Variants in MLLT3 observed in about 807,000 individuals in gnomAD.
MLLT3 encodes the protein MLLT3 super elongation complex subunit.
Under a neutral mutation model 53.2 loss-of-function variants are expected in MLLT3, and 4 were observed. That is an observed-to-expected ratio of 0.08 (90% CI 0.04 to 0.17). The LOEUF (loss-of-function observed/expected upper bound fraction) is 0.17, where lower values mean the gene tolerates loss of function less well. MLLT3 is among the 10% of genes least tolerant of loss of function. MLLT3 has a pLI of 1.00. For missense variants in MLLT3, 569 were observed against 684.0 expected, an observed-to-expected ratio of 0.83 and a Z score of 1.87; for synonymous variants, 283 against 230.6, an observed-to-expected ratio of 1.23 and a Z score of -2.06.
At chr9:20,601,178 G>A (rs668703) in intron 2 of MLLT3, among the ~76,000 whole-genome samples, 62,609 of 152,030 alleles carry the variant, frequency 0.41, 13,511 homozygotes, top group Non-Finnish European at 0.49. Flanking sequence ...CACTTAAGTA[G>A]AGACATACCA....
rs374429731 is a variant in MLLT3 at position 20,423,144 on chromosome 9, C to T, written c.421-8719G>A. ...CTTCTAGGCTCAAGTGATCCTCCTT[C>T]CTCACCCCTTGCAAGTAGCTGTGGG... On this transcript the variant is annotated intron_variant, in intron 4 of 10. Coordinates refer to ENST00000380338, the MANE Select transcript of MLLT3 (RefSeq NM_004529.4). Among the ~76,000 whole-genome samples the T allele has an allele frequency of 8.3e-4, 127 of 152,228 alleles. 1 individual carries two copies. Among genetic ancestry groups the T allele is most frequent in the African/African-American group, 2.9e-3 (119 of 41,530 alleles).
chr9:20,577,667 G>T, intron 2 of MLLT3, among the ~76,000 whole-genome samples: 1 of 152,284 alleles, frequency 6.6e-6, no homozygotes. Context: ...ACTTCTGCCA[G>T]ACACAGCCAT....
At position 20,470,606 on chromosome 9, in the gene MLLT3, C is replaced by A. The variant is rs549445044; in HGVS notation, c.194-13820G>T. ...TAAGCTTTACCTACCTTATCAATTC[C>A]TTTTCCTTGTTTTTCTGTTTTCATC... is the stretch of plus-strand genomic sequence containing the variant. On this transcript the variant is annotated intron_variant, in intron 2 of 10. Coordinates refer to ENST00000380338, the MANE Select transcript of MLLT3 (RefSeq NM_004529.4). 3.3e-5 allele frequency among the ~76,000 whole-genome samples: 5 copies of A among 152,050 alleles called. No homozygotes were observed. In the East Asian group the frequency reaches 9.6e-4, roughly 29 times the overall value.
intron 2 of MLLT3, among the ~76,000 whole-genome samples, chr9:20,511,022 A>G (rs1007769339): frequency 6.6e-6 from 1 of 152,232 alleles, no homozygotes; most frequent in African/African-American, 2.4e-5. Context: ...TGCATCTATT[A>G]ACCTCAAAAT....
chr9:20,547,602 C>A (rs375011271), intron 2 of MLLT3, among the ~76,000 whole-genome samples: 2 of 148,978 alleles, frequency 1.3e-5, no homozygotes, highest in Non-Finnish European at 3.0e-5. Flanking sequence ...CGAGATCGCA[C>A]CATTGCACTC....
intron 2 of MLLT3, among the ~76,000 whole-genome samples, chr9:20,499,765 T>G (rs758348707): frequency 1.3e-5 from 2 of 152,174 alleles, no homozygotes; most frequent in Non-Finnish European, 2.9e-5. Context: ...AGATCTCTAT[T>G]GTTCTGTCTC....
intron 2 of MLLT3, among the ~76,000 whole-genome samples, chr9:20,603,964 T>C (rs889833645): frequency 2.0e-5 from 3 of 152,076 alleles, no homozygotes; most frequent in Admixed American, 6.6e-5. Context: ...GCAAAGGCAG[T>C]CTTAAAATTG....
At chr9:20,409,979 T>C (rs866481770) in intron 5 of MLLT3, among the ~76,000 whole-genome samples, 2 of 152,216 alleles carry the variant, frequency 1.3e-5, no homozygotes, top group South Asian at 4.1e-4. Flanking sequence ...TATGTTCTTG[T>C]CCTTTATCTC....
intron 4 of MLLT3, among the ~76,000 whole-genome samples, chr9:20,439,236 G>C (rs1179980741): frequency 6.6e-6 from 1 of 151,926 alleles, no homozygotes; most frequent in Non-Finnish European, 1.5e-5. Context: ...TACATCTGTA[G>C]TCCCAGCTAC....
At chr9:20,495,714 T>A (rs1825065699) in intron 2 of MLLT3, among the ~76,000 whole-genome samples, 1 of 152,194 alleles carries the variant, frequency 6.6e-6, no homozygotes, top group African/African-American at 2.4e-5. Context: ...TTTTCAAGCC[T>A]AAGATGGGTC....
chr9:20,582,514 T>C (rs1401343169), intron 2 of MLLT3, among the ~76,000 whole-genome samples: 4 of 152,204 alleles, frequency 2.6e-5, no homozygotes, highest in Admixed American at 6.5e-5. Flanking sequence ...TCAGATTGGC[T>C]TCTTTCAATT....
chr9:20,465,513 A>G (rs1586969846), intron 2 of MLLT3, among the ~76,000 whole-genome samples: 1 of 152,172 alleles, frequency 6.6e-6, no homozygotes, highest in African/African-American at 2.4e-5. Flanking sequence ...AGGGTGATAG[A>G]AATGGCAATG....
chr9:20,598,703 T>C (rs560028564), intron 2 of MLLT3, among the ~76,000 whole-genome samples: 53 of 152,332 alleles, frequency 3.5e-4, no homozygotes, highest in African/African-American at 1.2e-3. Flanking sequence ...ATTTACCTGA[T>C]AGACAGTACA....
At chr9:20,535,345 A>G (rs987933258) in intron 2 of MLLT3, among the ~76,000 whole-genome samples, 5 of 152,192 alleles carry the variant, frequency 3.3e-5, no homozygotes, top group Admixed American at 2.6e-4. Context: ...GTCTTCCATG[A>G]AACCAGTCCC....
At chr9:20,465,913 T>C (rs527934747) in intron 2 of MLLT3, among the ~76,000 whole-genome samples, 2 of 152,288 alleles carry the variant, frequency 1.3e-5, no homozygotes, top group East Asian at 3.9e-4. Context: ...AGTTTCTGTT[T>C]AGGCTGACAA....
intron 2 of MLLT3, among the ~76,000 whole-genome samples, chr9:20,611,384 C>G (rs1820698640): frequency 6.6e-6 from 1 of 152,010 alleles, no homozygotes; most frequent in African/African-American, 2.4e-5. Context: ...CTTCAGGAAA[C>G]TGTTAATATA....
At chr9:20,392,818 G>A (rs1822220710) in intron 5 of MLLT3, among the ~76,000 whole-genome samples, 2 of 152,156 alleles carry the variant, frequency 1.3e-5, no homozygotes, top group Non-Finnish European at 2.9e-5. Context: ...TTTGTAGAGT[G>A]AGTACAAATC....
At chr9:20,541,107 C>T (rs915512580) in intron 2 of MLLT3, among the ~76,000 whole-genome samples, 20 of 152,134 alleles carry the variant, frequency 1.3e-4, no homozygotes, top group Admixed American at 4.6e-4. Context: ...CAAGAGTGAC[C>T]TTTACTCCAG....
intron 2 of MLLT3, among the ~76,000 whole-genome samples, chr9:20,468,707 A>C (rs1289202146): frequency 2.0e-5 from 3 of 152,214 alleles, no homozygotes; most frequent in East Asian, 1.9e-4. Flanking sequence ...CTGTCACATA[A>C]GAAGCCAGCT....
Sources: allele counts gnomAD v4.1 joint callset (sites outside exome capture counted in the v4.1 genomes callset), GRCh38; gene constraint gnomAD v4.1.1; transcripts MANE v1.5; gene names NCBI Gene and HGNC (gene_info 2026-07-23, HGNC 2026-07-21).